Variants in FAM53B observed in about 807,000 individuals in gnomAD.
The protein encoded by FAM53B is protein FAM53B.
A neutral mutation model predicts 32.7 loss-of-function variants in FAM53B; 12 were observed. The observed-to-expected ratio is 0.37, with a 90% CI of 0.24 to 0.59. FAM53B has a LOEUF of 0.59. Ranked by LOEUF, FAM53B falls within the 20% of genes least tolerant of loss-of-function variation. The pLI is 0.72. For missense variants in FAM53B, 477 were observed against 577.7 expected (o/e 0.83, Z 1.79); for synonymous variants, 234 against 228.7 (o/e 1.02, Z -0.21).
intron 3 of FAM53B, among the ~76,000 whole-genome samples, chr10:124,688,208 G>C (rs1949813940): frequency 6.6e-6 from 1 of 152,190 alleles, no homozygotes; most frequent in African/African-American, 2.4e-5. Context: ...CATCAGCTGT[G>C]TCCTAAAGAT....
chr10:124,623,010 T>C lies in FAM53B; in HGVS notation c.*232A>G, dbSNP rs1949321519. 5.5e-6 allele frequency: 3 copies of C among 546,192 alleles called. No homozygotes were observed. In the Admixed American group the frequency reaches 1.1e-4, roughly 19 times the overall value. 33.8% of individuals were successfully genotyped at this position (546,192 alleles called of 1,614,324 possible). A position where few individuals can be genotyped will look rare whatever the true frequency, so the allele number is the denominator to read the frequency against. On this transcript the variant is annotated 3_prime_UTR_variant, in exon 5 of 5. Coordinates refer to ENST00000337318, the MANE Select transcript of FAM53B (RefSeq NM_014661.4). ...CTGGGCTGCAGTAGTTCTGTGGACCTGGTGGCTGCCACGCTCGGGGAGCCG... is the reference window on the plus strand; with the variant it reads ...CTGGGCTGCAGTAGTTCTGTGGACCCGGTGGCTGCCACGCTCGGGGAGCCG...
At chr10:124,659,812 GTTTTGTT>G (rs1454531548) in intron 4 of FAM53B, among the ~76,000 whole-genome samples, 1 of 152,226 alleles carries the variant, frequency 6.6e-6, no homozygotes, top group African/African-American at 2.4e-5. Context: ...CTTTGCTTTT[GTTTTGTT>G]TTTTGAGACG....
At position 124,667,566 on chromosome 10, in the gene FAM53B, A is replaced by G. The variant is rs985481486; in HGVS notation, c.906+14041T>C. 97 of 652,662 alleles carry G rather than the reference A, an allele frequency of 1.5e-4. No homozygotes were observed. In the South Asian group the frequency reaches 1.7e-3, roughly 11 times the overall value. The allele number at this position is 652,662 out of a possible 1,614,324, so 40.4% of individuals were successfully genotyped here. On this transcript the variant is annotated intron_variant, in intron 4 of 4. Coordinates refer to ENST00000337318, the MANE Select transcript of FAM53B (RefSeq NM_014661.4). Reference sequence around the variant, plus strand: ...CTGAGCCTCCACATCCACAGGGCTGAGGAGGACCGGGCAGGGCTGGGAGAG... The same window carrying G: ...CTGAGCCTCCACATCCACAGGGCTGGGGAGGACCGGGCAGGGCTGGGAGAG...
intron 4 of FAM53B, among the ~76,000 whole-genome samples, chr10:124,629,768 A>G (rs1020268978): frequency 3.3e-5 from 5 of 152,242 alleles, no homozygotes; most frequent in Non-Finnish European, 7.3e-5. Flanking sequence ...CTTTTTAAAA[A>G]ACTATTTCAG....
chr10:124,638,375 A>T (rs1949447693), intron 4 of FAM53B, among the ~76,000 whole-genome samples: 1 of 102,200 alleles, frequency 9.8e-6, no homozygotes, highest in Non-Finnish European at 2.1e-5. Flanking sequence ...CTCCACCTCA[A>T]AAACAAAACA....
At chr10:124,643,693 C>T (rs1415464688) in intron 4 of FAM53B, among the ~76,000 whole-genome samples, 1 of 152,250 alleles carries the variant, frequency 6.6e-6, no homozygotes, top group Non-Finnish European at 1.5e-5. Flanking sequence ...CGGCCCGGAG[C>T]TTTAGAGCCG....
intron 4 of FAM53B, among the ~76,000 whole-genome samples, chr10:124,634,735 AAC>A (rs1949416249): frequency 1.3e-5 from 2 of 152,218 alleles, no homozygotes; most frequent in Admixed American, 1.3e-4. Context: ...ATGGAGACAG[AAC>A]ACAGTTTTGT....
chr10:124,689,757 T>C (rs1480608534), intron 3 of FAM53B, among the ~76,000 whole-genome samples: 4 of 152,222 alleles, frequency 2.6e-5, no homozygotes, highest in Non-Finnish European at 4.4e-5. Flanking sequence ...TTCTGGGAAG[T>C]CTTTGCTCTT....
intron 4 of FAM53B, among the ~76,000 whole-genome samples, chr10:124,631,701 C>G (rs1323843956): frequency 6.6e-6 from 1 of 152,196 alleles, no homozygotes; most frequent in Non-Finnish European, 1.5e-5. Flanking sequence ...TGCTCCCACT[C>G]AGGCTCTGAC....
chr10:124,678,005 A>G (rs772358515), intron 4 of FAM53B, among the ~76,000 whole-genome samples: 13 of 152,220 alleles, frequency 8.5e-5, no homozygotes, highest in Non-Finnish European at 1.8e-4. Flanking sequence ...CCTCCTTCCC[A>G]TTTACAAAAG....
chr10:124,661,258 C>T (rs577242643), intron 4 of FAM53B, among the ~76,000 whole-genome samples: 2 of 152,210 alleles, frequency 1.3e-5, no homozygotes, highest in East Asian at 1.9e-4. Flanking sequence ...GCATATTAAA[C>T]GGAGGTGTGT....
chr10:124,701,636 G>A (rs1949915352), intron 2 of FAM53B, among the ~76,000 whole-genome samples: 2 of 152,222 alleles, frequency 1.3e-5, no homozygotes, highest in South Asian at 4.1e-4. Flanking sequence ...GCCTTCCAGG[G>A]GAGCAGCTAA....
At chr10:124,662,130 T>G (rs911321185) in intron 4 of FAM53B, among the ~76,000 whole-genome samples, 15 of 152,222 alleles carry the variant, frequency 9.9e-5, no homozygotes, top group Admixed American at 3.9e-4. Context: ...CCAGACCCCC[T>G]CCTGGGGAGT....
chr10:124,653,593 G>A (rs565381849), intron 4 of FAM53B, among the ~76,000 whole-genome samples: 9 of 152,326 alleles, frequency 5.9e-5, no homozygotes, highest in African/African-American at 2.2e-4. Flanking sequence ...GGTCTCGCTG[G>A]CACAGTGGGG....
At chr10:124,694,910 C>A (rs765394231) in intron 3 of FAM53B, among the ~76,000 whole-genome samples, 1 of 152,200 alleles carries the variant, frequency 6.6e-6, no homozygotes, top group Non-Finnish European at 1.5e-5. Flanking sequence ...AGTCTCCCTT[C>A]GTCACCCACC....
chr10:124,689,992 A>G (rs575969029), intron 3 of FAM53B, among the ~76,000 whole-genome samples: 2 of 152,380 alleles, frequency 1.3e-5, no homozygotes, highest in African/African-American at 4.8e-5. Flanking sequence ...AGAACTCTGA[A>G]GGGACAACAA....
At chr10:124,677,241 G>C (rs977532095) in intron 4 of FAM53B, among the ~76,000 whole-genome samples, 13 of 152,196 alleles carry the variant, frequency 8.5e-5, no homozygotes, top group African/African-American at 1.2e-4. Flanking sequence ...GGTCAAACCA[G>C]GTCTCAAAAA....
At chr10:124,717,645 C>A (rs1169782206) in intron 1 of FAM53B, among the ~76,000 whole-genome samples, 1 of 152,202 alleles carries the variant, frequency 6.6e-6, no homozygotes, top group Non-Finnish European at 1.5e-5. Flanking sequence ...TGTTGCAGAA[C>A]CTGCCCCTCT....
chr10:124,652,430 C>T (rs1282270824), intron 4 of FAM53B, among the ~76,000 whole-genome samples: 1 of 152,138 alleles, frequency 6.6e-6, no homozygotes, highest in Non-Finnish European at 1.5e-5. Context: ...GAGGCTGTGG[C>T]CACAGCCTTA....
Sources: allele counts gnomAD v4.1 joint callset (sites outside exome capture counted in the v4.1 genomes callset), GRCh38; gene constraint gnomAD v4.1.1; transcripts MANE v1.5; gene names NCBI Gene and HGNC (gene_info 2026-07-23, HGNC 2026-07-21).